The following JARID2 variants were observed in gnomAD, a reference collection of about 807,000 sequenced individuals.
JARID2 encodes protein Jumonji.
Under a neutral mutation model 125.6 loss-of-function variants are expected in JARID2, and 21 were observed. The observed-to-expected ratio is 0.17, with a 90% CI of 0.12 to 0.24. The LOEUF is 0.24. Among genes scored for constraint, JARID2 ranks in the 10% least tolerant of loss-of-function variants. The pLI, the probability that JARID2 is intolerant of heterozygous loss-of-function variation, is 1.00. For missense variants in JARID2, 1,303 were observed against 1,639.6 expected, an observed-to-expected ratio of 0.79 and a Z score of 3.55; for synonymous variants, 736 against 661.6, an observed-to-expected ratio of 1.11 and a Z score of -1.73.
chr6:15,279,796 C>G (rs1378967538), intron 1 of JARID2, among the ~76,000 whole-genome samples: 2 of 152,198 alleles, frequency 1.3e-5, no homozygotes, highest in Admixed American at 1.3e-4. Flanking sequence ...CCCCTATCGT[C>G]TATGGGATAA....
intron 1 of JARID2, among the ~76,000 whole-genome samples, chr6:15,294,731 CAATACATTGTACACTTA>C (rs1052170159): frequency 2.0e-5 from 3 of 152,114 alleles, no homozygotes; most frequent in Non-Finnish European, 4.4e-5. Flanking sequence ...ATTGTAGAAC[CAATACATTGTACACTTA>C]AAGCTGGGGT....
At position 15,505,347 on chromosome 6, in the gene JARID2, G is replaced by GT. The variant is rs35966561; in HGVS notation, c.2541+773dup. On this transcript the variant is annotated intron_variant, in intron 9 of 17. Transcript: ENST00000341776. ...TTAGTGTGTGACAGGCTTTTGCTGT[G>GT]TTTTTTTTTTTTTTTTTTCCCCTTA... The GT allele has an allele frequency of 9.5e-3, 1,332 of 139,730 alleles. 22 individuals are homozygous for GT. Among genetic ancestry groups the GT allele is most frequent in the African/African-American group, 0.019 (709 of 37,644 alleles). 8.7% of individuals were successfully genotyped at this position (139,730 alleles called of 1,614,324 possible). A position where few individuals can be genotyped will look rare whatever the true frequency, so the allele number is the denominator to read the frequency against.
At chr6:15,516,137 CGT>C (rs1289060189) in intron 16 of JARID2, among the ~76,000 whole-genome samples, 1 of 152,152 alleles carries the variant, frequency 6.6e-6, no homozygotes, top group Non-Finnish European at 1.5e-5. Context: ...TCCTTGGCCC[CGT>C]GTCTCTCCAA....
At chr6:15,289,343 A>G (rs1761118467) in intron 1 of JARID2, among the ~76,000 whole-genome samples, 1 of 152,236 alleles carries the variant, frequency 6.6e-6, no homozygotes, top group Non-Finnish European at 1.5e-5. Flanking sequence ...CTGTCTAAAA[A>G]GAAAATCTTT....
At chr6:15,410,515 C>A in intron 3 of JARID2, 150 bp downstream of exon 3, 4 of 739,178 alleles carry the variant, frequency 5.4e-6, no homozygotes, top group Non-Finnish European at 6.5e-6. Flanking sequence ...TATCAAATGC[C>A]CTGCTTTCTA....
intron 2 of JARID2, among the ~76,000 whole-genome samples, chr6:15,399,857 C>T (rs972068084): frequency 6.6e-6 from 1 of 152,206 alleles, no homozygotes; most frequent in Non-Finnish European, 1.5e-5. Flanking sequence ...CCATCTTCCT[C>T]CCATTGGAAG....
At chr6:15,249,811 A>C (rs779333213) in intron 1 of JARID2, among the ~76,000 whole-genome samples, 1 of 152,222 alleles carries the variant, frequency 6.6e-6, no homozygotes, top group Non-Finnish European at 1.5e-5. Context: ...TGAGAAACTC[A>C]TAAGTTGCAG....
At chr6:15,436,600 C>G (rs1767214431) in intron 3 of JARID2, among the ~76,000 whole-genome samples, 1 of 152,124 alleles carries the variant, frequency 6.6e-6, no homozygotes, top group Non-Finnish European at 1.5e-5. Flanking sequence ...GAGTAGAGCC[C>G]TAGCCAGGGG....
chr6:15,407,864 T>TA (rs1351534258), intron 2 of JARID2, among the ~76,000 whole-genome samples: 5 of 152,214 alleles, frequency 3.3e-5, no homozygotes, highest in African/African-American at 1.2e-4. Context: ...TGCCCTGGCA[T>TA]ATAGTATTTG....
At chr6:15,255,247 G>A (rs1248000956) in intron 1 of JARID2, among the ~76,000 whole-genome samples, 1 of 149,950 alleles carries the variant, frequency 6.7e-6, no homozygotes, top group Non-Finnish European at 1.5e-5. Context: ...TGGGACTACA[G>A]GCACACACGA....
intron 3 of JARID2, 144 bp from the exon 4 acceptor site, chr6:15,451,862 G>A: frequency 2.6e-6 from 2 of 782,894 alleles, no homozygotes; most frequent in Non-Finnish European, 3.9e-6. Context: ...ATGAGAGTGT[G>A]AGAGATATAG....
intron 1 of JARID2, among the ~76,000 whole-genome samples, chr6:15,341,654 G>A (rs1763074353): frequency 6.6e-6 from 1 of 152,204 alleles, no homozygotes; most frequent in African/African-American, 2.4e-5. Context: ...CTGAAGAGGT[G>A]CCAAGTAAGT....
At chr6:15,422,469 G>A (rs1766540240) in intron 3 of JARID2, among the ~76,000 whole-genome samples, 1 of 152,196 alleles carries the variant, frequency 6.6e-6, no homozygotes, top group Non-Finnish European at 1.5e-5. Flanking sequence ...CAGAGCTAAG[G>A]AAGCGTTTTC....
intron 2 of JARID2, among the ~76,000 whole-genome samples, chr6:15,381,903 T>C (rs902434490): frequency 4.6e-5 from 7 of 152,226 alleles, no homozygotes; most frequent in African/African-American, 2.4e-5. Flanking sequence ...GACAGCTTAA[T>C]TATGAGATGC....
At chr6:15,327,894 T>C (rs1561794698) in intron 1 of JARID2, among the ~76,000 whole-genome samples, 1 of 152,166 alleles carries the variant, frequency 6.6e-6, no homozygotes, top group Non-Finnish European at 1.5e-5. Context: ...TTAGATGCAT[T>C]TTCCGTGTTG....
intron 3 of JARID2, among the ~76,000 whole-genome samples, chr6:15,444,005 C>T (rs545114666): frequency 6.6e-6 from 1 of 152,318 alleles, no homozygotes; most frequent in Non-Finnish European, 1.5e-5. Context: ...TCCTATGTAA[C>T]TTAATTAAGA....
chr6:15,269,572 ATTTTTTT>A lies in JARID2; in HGVS notation c.45+23000_45+23006del, dbSNP rs35174256. Among the ~76,000 whole-genome samples the A allele has an allele frequency of 1.1e-3, 155 of 135,634 alleles. 1 individual carries two copies. The highest frequency in any genetic ancestry group is 3.7e-3 in the African/African-American group (136 of 36,326). The allele number at this position is 135,634 out of a possible 152,430, so 89.0% of individuals were successfully genotyped here. ...TTTTTGTAGAGATGGCTATTTTAAAATTTTTTTTTTTTTTTTTTGGTAGAGATGGGGT... is the reference window on the plus strand; with the variant it reads ...TTTTTGTAGAGATGGCTATTTTAAAATTTTTTTTTTTGGTAGAGATGGGGT... On this transcript the variant is annotated intron_variant, in intron 1 of 17. Transcript: ENST00000341776.
chr6:15,395,198 C>T (rs1474558217), intron 2 of JARID2, among the ~76,000 whole-genome samples: 1 of 152,228 alleles, frequency 6.6e-6, no homozygotes, highest in South Asian at 2.1e-4. Context: ...ATCACACTAG[C>T]AGCATATGAG....
intron 1 of JARID2, among the ~76,000 whole-genome samples, chr6:15,283,170 G>A (rs187635654): frequency 8.9e-4 from 133 of 149,904 alleles, no homozygotes; most frequent in Non-Finnish European, 1.4e-3. Flanking sequence ...ATTAGAGACG[G>A]GGTTTCACCG....
Sources: gnomAD v4.1 joint callset for allele counts (sites outside exome capture counted in the v4.1 genomes callset) on GRCh38, gnomAD v4.1.1 for gene constraint, MANE v1.5 for transcripts, NCBI Gene and HGNC (gene_info 2026-07-23, HGNC 2026-07-21) for gene names.